Variants in FRMD3 observed in about 807,000 individuals in gnomAD.
The protein encoded by FRMD3 is FERM domain-containing protein 3.
In FRMD3, 33 loss-of-function variants were observed where a neutral mutation model predicts 70.2. That is an observed-to-expected ratio of 0.47 (90% CI 0.36 to 0.63). The LOEUF (loss-of-function observed/expected upper bound fraction) is 0.63. FRMD3 is among the 20% of genes least tolerant of loss of function. The pLI, the probability that FRMD3 is intolerant of heterozygous loss-of-function variation, is 0.00. For synonymous variants in FRMD3, 279 were observed against 255.9 expected (o/e 1.09, Z -0.86); for missense variants, 632 against 711.4 (o/e 0.89, Z 1.27).
chr9:83,263,459 G>A (rs1398364814), intron 13 of FRMD3, among the ~76,000 whole-genome samples: 1 of 152,056 alleles, frequency 6.6e-6, no homozygotes, highest in Non-Finnish European at 1.5e-5. Flanking sequence ...CTAGAGAATT[G>A]TAGAAATCAT....
At chr9:83,350,727 T>C (rs552813451) in intron 3 of FRMD3, 1 of 979,456 alleles carries the variant, frequency 1.0e-6, no homozygotes, top group South Asian at 4.7e-5. Flanking sequence ...GAAGGGAAAA[T>C]CCTATGTAGG....
At chr9:83,298,632 G>A (rs1834772101) in intron 12 of FRMD3, 116 bp downstream of exon 12, 1 of 770,510 alleles carries the variant, frequency 1.3e-6, no homozygotes, top group African/African-American at 1.7e-5. Context: ...AGATGTCTAA[G>A]GAAGTGAGAA....
chr9:83,577,879 A>C, the FRMD3 span, among the ~76,000 whole-genome samples: 3 of 152,012 alleles, frequency 2.0e-5, no homozygotes, highest in African/African-American at 4.8e-5. Context: ...AGACAAAAAA[A>C]TTAATGACAA....
At chr9:83,441,170 G>A (rs28512300) in intron 1 of FRMD3, among the ~76,000 whole-genome samples, 19,582 of 152,226 alleles carry the variant, frequency 0.13, 1,867 homozygotes, top group African/African-American at 0.27. Context: ...CTACTGAGCT[G>A]TGAGGGGTTC....
intron 1 of FRMD3, among the ~76,000 whole-genome samples, chr9:83,433,440 G>A (rs1317264627): frequency 1.3e-5 from 2 of 152,166 alleles, no homozygotes; most frequent in Non-Finnish European, 2.9e-5. Context: ...ACTCTTCAAA[G>A]CAGCAGTCCC....
intron 1 of FRMD3, among the ~76,000 whole-genome samples, chr9:83,398,877 C>A (rs1564058127): frequency 1.3e-5 from 2 of 152,140 alleles, no homozygotes; most frequent in African/African-American, 2.4e-5. Context: ...CCAGGGCCAG[C>A]TACCCATGAG....
intron 3 of FRMD3, chr9:83,350,594 G>A (rs1211025872): frequency 8.5e-4 from 187 of 219,394 alleles, no homozygotes; most frequent in African/African-American, 5.3e-3. Context: ...TTGCACTCCA[G>A]CCTGGGCAAT....
chr9:83,436,014 T>A (rs1463330236), intron 1 of FRMD3, among the ~76,000 whole-genome samples: 1 of 152,176 alleles, frequency 6.6e-6, no homozygotes, highest in Non-Finnish European at 1.5e-5. Context: ...ACCCAGAATA[T>A]GCACATGTTC....
chr9:83,400,534 GA>G (rs1825924868), intron 1 of FRMD3, among the ~76,000 whole-genome samples: 2 of 152,186 alleles, frequency 1.3e-5, no homozygotes, highest in Non-Finnish European at 1.5e-5. Context: ...TTGACAGTCA[GA>G]TTCTGATGTT....
intron 2 of FRMD3, among the ~76,000 whole-genome samples, chr9:83,376,983 C>G (rs895125045): frequency 2.0e-5 from 3 of 151,996 alleles, no homozygotes; most frequent in Non-Finnish European, 4.4e-5. Flanking sequence ...AATGAAAATA[C>G]TATTTTTTCT....
chr9:83,324,509 T>C (rs1414785919), intron 6 of FRMD3, among the ~76,000 whole-genome samples: 1 of 152,208 alleles, frequency 6.6e-6, no homozygotes, highest in Non-Finnish European at 1.5e-5. Context: ...ATATTATACA[T>C]TTTGTAATGA....
chr9:83,383,632 C>A (rs1053751553), intron 2 of FRMD3, among the ~76,000 whole-genome samples: 1 of 152,208 alleles, frequency 6.6e-6, no homozygotes, highest in African/African-American at 2.4e-5. Context: ...CACATTTAAA[C>A]CTGTTTCCCT....
chr9:83,455,993 A>G (rs934361897), intron 1 of FRMD3, among the ~76,000 whole-genome samples: 2 of 152,218 alleles, frequency 1.3e-5, no homozygotes. Context: ...GAATTTTTGA[A>G]TGCTGCAAAA....
intron 10 of FRMD3, among the ~76,000 whole-genome samples, chr9:83,301,540 A>G (rs1451488743): frequency 6.6e-6 from 1 of 150,634 alleles, no homozygotes; most frequent in Non-Finnish European, 1.5e-5. Context: ...AAAAAAAAAG[A>G]TTGAGTTTCT....
chr9:83,287,552 G>A (rs1017152356), intron 13 of FRMD3, among the ~76,000 whole-genome samples: 9 of 152,010 alleles, frequency 5.9e-5, no homozygotes, highest in Admixed American at 3.3e-4. Context: ...CAAATCACAC[G>A]AGGCCCATAA....
chr9:83,315,965 T>G (rs950421582), intron 6 of FRMD3, among the ~76,000 whole-genome samples: 2 of 152,230 alleles, frequency 1.3e-5, no homozygotes, highest in South Asian at 4.2e-4. Context: ...CCAGAACCAC[T>G]GCTATTCTAA....
At chr9:83,489,012 GTGTGCT>G in intron 1 of FRMD3, among the ~76,000 whole-genome samples, 1 of 131,028 alleles carries the variant, frequency 7.6e-6, no homozygotes, top group Non-Finnish European at 1.6e-5. Context: ...GTGTGTGTGT[GTGTGCT>G]TGTGTGTGCG....
intron 1 of FRMD3, among the ~76,000 whole-genome samples, chr9:83,440,552 C>T (rs1251124764): frequency 6.6e-6 from 1 of 152,198 alleles, no homozygotes; most frequent in Admixed American, 6.5e-5. Flanking sequence ...CAATATACAA[C>T]ACTGCATAAA....
intron 13 of FRMD3, among the ~76,000 whole-genome samples, chr9:83,284,061 A>ATTTTTTTTTTTTTTTTTT (rs71365307): frequency 1.8e-4 from 18 of 101,644 alleles, no homozygotes; most frequent in East Asian, 5.3e-4. Flanking sequence ...CTAGGATGTT[A>ATTTTTTTTTTTTTTTTTT]TTTTTTTTTT....
Sources: allele counts gnomAD v4.1 joint callset (sites outside exome capture counted in the v4.1 genomes callset), GRCh38; gene constraint gnomAD v4.1.1; transcripts MANE v1.5; gene names NCBI Gene and HGNC (gene_info 2026-07-23, HGNC 2026-07-21).